DMD: variants seen among roughly 807,000 people sequenced by gnomAD.
DMD encodes the protein mutant dystrophin.
Under a neutral mutation model 330.1 loss-of-function variants are expected in DMD, and 63 were observed. The observed-to-expected ratio is 0.19, with a 90% CI of 0.16 to 0.24. The LOEUF (loss-of-function observed/expected upper bound fraction) is 0.24. Ranked by LOEUF, DMD falls within the 10% of genes least tolerant of loss-of-function variation. DMD has a pLI of 1.00. For synonymous variants in DMD, 1,223 were observed against 959.8 expected (o/e 1.27, Z -5.07); for missense variants, 3,344 against 2,684.1 (o/e 1.25, Z -5.43).
intron 2 of DMD, among the ~76,000 whole-genome samples, chrX:33,008,664 C>T (rs372162176): frequency 1.8e-5 from 2 of 108,455 alleles, no homozygotes; most frequent in Non-Finnish European, 3.8e-5. Flanking sequence ...AACCTTTGAA[C>T]ACAATTATAT....
intron 7 of DMD, among the ~76,000 whole-genome samples, chrX:32,783,775 A>C (rs1486647210): frequency 9.0e-6 from 1 of 111,287 alleles, no homozygotes. Context: ...AAGCATCCAC[A>C]GATTTTAGTA....
intron 17 of DMD, among the ~76,000 whole-genome samples, chrX:32,518,598 A>T (rs1445771198): frequency 9.0e-6 from 1 of 111,367 alleles, no homozygotes; most frequent in East Asian, 2.8e-4. Flanking sequence ...CAATAGTAAG[A>T]GTACTGCAAG....
intron 50 of DMD, among the ~76,000 whole-genome samples, chrX:31,785,006 C>T (rs778043775): frequency 9.0e-6 from 1 of 111,625 alleles, no homozygotes; most frequent in Admixed American, 9.5e-5. Context: ...CGGCATAATT[C>T]ACAATAGCCA....
intron 59 of DMD, among the ~76,000 whole-genome samples, chrX:31,454,581 A>G (rs1412604001): frequency 1.8e-5 from 2 of 111,720 alleles, no homozygotes; most frequent in African/African-American, 6.5e-5. Context: ...TTCTCACACA[A>G]TAGTGTGCAT....
intron 60 of DMD, among the ~76,000 whole-genome samples, chrX:31,372,097 A>T (rs113816745): frequency 1.1e-4 from 12 of 111,465 alleles, no homozygotes; most frequent in African/African-American, 3.3e-4. Context: ...TGGTGGTGAT[A>T]ATGACGTTGT....
At chrX:31,990,141 T>A (rs2095540249) in intron 44 of DMD, among the ~76,000 whole-genome samples, 1 of 112,609 alleles carries the variant, frequency 8.9e-6, no homozygotes, top group African/African-American at 3.2e-5. Context: ...AACTAGCGCT[T>A]AATGTCTTCA....
At chrX:31,384,174 C>T (rs2060322604) in intron 60 of DMD, among the ~76,000 whole-genome samples, 1 of 111,948 alleles carries the variant, frequency 8.9e-6, no homozygotes, top group Non-Finnish European at 1.9e-5. Context: ...CTCCTGTACC[C>T]ACTCACCTGT....
chrX:32,744,191 C>A (rs1489911777), intron 7 of DMD, among the ~76,000 whole-genome samples: 1 of 108,020 alleles, frequency 9.3e-6, no homozygotes. Context: ...ACCATTCTTA[C>A]AATTTTTTTT....
chrX:32,553,788 TG>T (rs1397917100), intron 16 of DMD, among the ~76,000 whole-genome samples: 1 of 112,132 alleles, frequency 8.9e-6, no homozygotes, highest in African/African-American at 3.2e-5. Flanking sequence ...TCTTCAGTGT[TG>T]GAGGAAGGGC....
chrX:32,145,842 G>T (rs760751120), intron 44 of DMD, among the ~76,000 whole-genome samples: 2 of 111,467 alleles, frequency 1.8e-5, no homozygotes, highest in South Asian at 7.4e-4. Context: ...TAGTATCAAA[G>T]GTATTTTTCC....
At chrX:32,719,240 G>C (rs1009320862) in intron 7 of DMD, among the ~76,000 whole-genome samples, 3 of 111,883 alleles carry the variant, frequency 2.7e-5, no homozygotes, top group Non-Finnish European at 5.6e-5. Context: ...ATATAAGATA[G>C]ACTGGTTGGA....
At chrX:32,821,566 C>G (rs780068003) in intron 5 of DMD, among the ~76,000 whole-genome samples, 1 of 106,556 alleles carries the variant, frequency 9.4e-6, no homozygotes, top group African/African-American at 3.5e-5. Flanking sequence ...CCAGCCTGGG[C>G]GACAGAGCAA....
At chrX:32,310,432 A>G (rs2097557742) in intron 41 of DMD, among the ~76,000 whole-genome samples, 156 bp from the exon 42 acceptor site, 1 of 110,967 alleles carries the variant, frequency 9.0e-6, no homozygotes, top group Non-Finnish European at 1.9e-5. Context: ...GTCTAGTAAA[A>G]CGGTGATTTA....
chrX:32,668,235 T>A (rs1434816283), intron 9 of DMD, among the ~76,000 whole-genome samples: 2 of 112,095 alleles, frequency 1.8e-5, no homozygotes, highest in East Asian at 5.6e-4. Context: ...GCTGGCCCAT[T>A]TGCTTATCAA....
chrX:33,268,029 G>A (rs960963963), intron 1 of DMD, among the ~76,000 whole-genome samples: 2 of 102,314 alleles, frequency 2.0e-5, no homozygotes, highest in East Asian at 3.0e-4. Context: ...TCACTCTGTC[G>A]CCCAGGCTGG....
At chrX:32,878,373 G>A (rs1458021138) in intron 2 of DMD, among the ~76,000 whole-genome samples, 3 of 111,280 alleles carry the variant, frequency 2.7e-5, no homozygotes. Context: ...GTGAGACTAC[G>A]TCTCAAAAAT....
intron 1 of DMD, among the ~76,000 whole-genome samples, chrX:33,229,474 G>A (rs1039808456): frequency 1.8e-5 from 2 of 111,205 alleles, no homozygotes; most frequent in Non-Finnish European, 3.8e-5. Context: ...TAGAAAAAAC[G>A]CACACTATTT....
At chrX:33,285,038 G>C (rs1233840601) in intron 1 of DMD, among the ~76,000 whole-genome samples, 2 of 110,838 alleles carry the variant, frequency 1.8e-5, no homozygotes, top group Non-Finnish European at 3.8e-5. Flanking sequence ...ATAACAACAG[G>C]ATTTTGGTTC....
Position 32,736,353 on chromosome X carries a change from T to C in DMD, c.650-37060A>G, listed in dbSNP as rs754018768. 6.3e-5 allele frequency among the ~76,000 whole-genome samples: 7 copies of C among 111,715 alleles called. No homozygotes were observed. In the South Asian group the frequency reaches 2.3e-3, roughly 36 times the overall value. ...CTAGTTCAACCATTGTGGAAGTCAG[T>C]GTGGCCATTCCTCAGGGATCTAGAA... On this transcript the variant is annotated intron_variant, in intron 7 of 78. Coordinates refer to ENST00000357033, the MANE Select transcript of DMD (RefSeq NM_004006.3).
Sources: gnomAD v4.1 joint callset for allele counts (sites outside exome capture counted in the v4.1 genomes callset) on GRCh38, gnomAD v4.1.1 for gene constraint, MANE v1.5 for transcripts, NCBI Gene and HGNC (gene_info 2026-07-23, HGNC 2026-07-21) for gene names.